CHRM5: variants seen among roughly 807,000 people sequenced by gnomAD.
The protein encoded by CHRM5 is muscarinic acetylcholine receptor M5.
CHRM5 carries 18 observed loss-of-function variants against 39.0 expected under a neutral mutation model. The ratio of observed to expected loss-of-function variants is 0.46; its 90% confidence interval spans 0.32 to 0.68. CHRM5 has a LOEUF of 0.68. CHRM5 is among the 30% of genes least tolerant of loss of function. CHRM5 has a pLI of 0.04. For synonymous variants in CHRM5, 241 were observed against 246.3 expected (o/e 0.98, Z 0.20); for missense variants, 515 against 651.1 (o/e 0.79, Z 2.28).
At chr15:34,013,331 G>GGATTACAA (rs1373230130) in intron 1 of CHRM5, among the ~76,000 whole-genome samples, 1 of 152,172 alleles carries the variant, frequency 6.6e-6, no homozygotes, top group Non-Finnish European at 1.5e-5. Context: ...CAAAGTGCTA[G>GGATTACAA]GATTACAAGT....
At chr15:34,006,997 A>G in intron 1 of CHRM5, 1 of 892,482 alleles carries the variant, frequency 1.1e-6, no homozygotes, top group Non-Finnish European at 1.3e-6. Flanking sequence ...ATTTTCATAT[A>G]AATATTGTTA....
At chr15:34,030,648 A>AG (rs781179000) in intron 1 of CHRM5, among the ~76,000 whole-genome samples, 38 of 151,602 alleles carry the variant, frequency 2.5e-4, no homozygotes, top group Admixed American at 4.6e-4. Context: ...GGTTTTGTTG[A>AG]GAAAGAGTCT....
intron 2 of CHRM5, among the ~76,000 whole-genome samples, chr15:34,059,253 T>C (rs1477676942): frequency 6.6e-6 from 1 of 152,226 alleles, no homozygotes; most frequent in East Asian, 1.9e-4. Context: ...GCTATACATG[T>C]GTCCAAAGGA....
At chr15:34,045,957 G>A (rs930251881) in intron 1 of CHRM5, among the ~76,000 whole-genome samples, 6 of 152,124 alleles carry the variant, frequency 3.9e-5, no homozygotes, top group African/African-American at 1.4e-4. Context: ...ATAAACCTGA[G>A]ATGATTACTG....
chr15:34,062,987 C>T lies in CHRM5; in HGVS notation c.270C>T (p.Tyr90=). The stretch of plus-strand genomic sequence containing the variant: ...TCTCCATGAACCTCTACACCACCTA[C>T]ATCCTCATGGGACGCTGGGCTCTCG... ...GIFSMNLYTT[Y]ILMGRWALGS... Residue 90 remains tyrosine (Y), a synonymous_variant, in exon 3 of 3, where the codon TAC becomes TAT. Transcript: ENST00000383263. The T allele has an allele frequency of 6.2e-7, 1 of 1,614,230 alleles. No homozygotes were observed. Among genetic ancestry groups the T allele is most frequent in the African/African-American group, 1.3e-5 (1 of 75,074 alleles).
chr15:34,011,444 A>C (rs1002772591), intron 1 of CHRM5, among the ~76,000 whole-genome samples: 4 of 152,236 alleles, frequency 2.6e-5, no homozygotes, highest in African/African-American at 9.6e-5. Flanking sequence ...TATGTGAATT[A>C]TCTCTTGATC....
chr15:34,023,626 A>C (rs2140727159), intron 1 of CHRM5, among the ~76,000 whole-genome samples: 1 of 152,268 alleles, frequency 6.6e-6, no homozygotes, highest in East Asian at 1.9e-4. Flanking sequence ...AAAATAAAAA[A>C]ACTCTCTGAC....
At position 34,063,700 on chromosome 15, in the gene CHRM5, A is replaced by C. The variant is rs745980649; in HGVS notation, c.983A>C (p.Gln328Pro). ...DPVLQVVYKS[Q>P]GKESPGEEFS... Reference sequence around the variant, plus strand: ...GTCCTCCAAGTGGTCTACAAGAGTCAGGGTAAGGAAAGCCCAGGGGAAGAA... The same window carrying C: ...GTCCTCCAAGTGGTCTACAAGAGTCCGGGTAAGGAAAGCCCAGGGGAAGAA... The change falls in exon 3 of 3, where the codon CAG becomes CCG. Residue 328 changes from glutamine to proline, a missense_variant. By Grantham distance (76) the Gln-to-Pro change is moderately conservative. Coordinates refer to ENST00000383263, the MANE Select transcript of CHRM5 (RefSeq NM_012125.4). The surrounding 1 kb of genome is among the most constrained non-coding windows in gnomAD (Gnocchi z 4.1). 1 of 1,614,212 alleles carries C rather than the reference A, an allele frequency of 6.2e-7. No individual in the cohort carries two copies. Among genetic ancestry groups the C allele is most frequent in the Non-Finnish European group, 8.5e-7 (1 of 1,180,042 alleles).
intron 1 of CHRM5, among the ~76,000 whole-genome samples, chr15:34,001,275 G>T (rs980122530): frequency 6.6e-6 from 1 of 152,152 alleles, no homozygotes; most frequent in Admixed American, 6.5e-5. Context: ...ACCTGCCTCG[G>T]CCTCCCAAAG....
intron 1 of CHRM5, among the ~76,000 whole-genome samples, chr15:33,994,157 T>C (rs1200466331): frequency 6.6e-6 from 1 of 152,132 alleles, no homozygotes; most frequent in Non-Finnish European, 1.5e-5. Flanking sequence ...GTGAGCAGAT[T>C]CTTCTCTATT....
chr15:33,975,237 C>T lies in CHRM5; in HGVS notation c.-408+6087C>T, dbSNP rs186640255. 2.0e-3 allele frequency among the ~76,000 whole-genome samples: 308 copies of T among 152,274 alleles called. 1 individual carries two copies. The highest frequency in any genetic ancestry group is 7.2e-3 in the African/African-American group (301 of 41,548). Reference sequence around the variant, plus strand: ...ATTGTTCTGCCATCTAGAGGATTCACAAAGATATTCTTCTCCATTTTAATG... The same window carrying T: ...ATTGTTCTGCCATCTAGAGGATTCATAAAGATATTCTTCTCCATTTTAATG... On this transcript the variant is annotated intron_variant, in intron 1 of 2. Transcript: ENST00000383263.
Position 34,065,439 on chromosome 15 carries a change from C to T in CHRM5, c.*1123C>T, listed in dbSNP as rs554141807. On this transcript the variant is annotated 3_prime_UTR_variant, in exon 3 of 3. Coordinates refer to ENST00000383263, the MANE Select transcript of CHRM5 (RefSeq NM_012125.4). Reference sequence around the variant, plus strand: ...CGCAAGCAGGTCAGCTGTGCTGCCTCCAAGCAGGGGGTTGTGGGGTGAGGT... The same window carrying T: ...CGCAAGCAGGTCAGCTGTGCTGCCTTCAAGCAGGGGGTTGTGGGGTGAGGT... The T allele has an allele frequency of 6.6e-6, 1 of 152,272 alleles. No homozygotes were observed. Among genetic ancestry groups the T allele is most frequent in the East Asian group, 1.9e-4 (1 of 5,172 alleles). 9.4% of individuals were successfully genotyped at this position (152,272 alleles called of 1,614,324 possible). A position where few individuals can be genotyped will look rare whatever the true frequency, so the allele number is the denominator to read the frequency against.
intron 1 of CHRM5, among the ~76,000 whole-genome samples, chr15:34,032,168 T>C (rs1439018737): frequency 6.6e-6 from 1 of 152,160 alleles, no homozygotes; most frequent in Non-Finnish European, 1.5e-5. Flanking sequence ...CCTTTGATAC[T>C]TCAAAGTGCA....
chr15:34,023,227 C>T (rs1305850315), intron 1 of CHRM5, among the ~76,000 whole-genome samples: 1 of 152,084 alleles, frequency 6.6e-6, no homozygotes, highest in African/African-American at 2.4e-5. Flanking sequence ...CCCTCTCATC[C>T]CCCACTCAGG....
chr15:34,043,158 A>T (rs1262466483), intron 1 of CHRM5, among the ~76,000 whole-genome samples: 1 of 151,834 alleles, frequency 6.6e-6, no homozygotes, highest in Non-Finnish European at 1.5e-5. Context: ...GAGGCAGGAG[A>T]ATGGCGTGAA....
chr15:34,034,372 T>G (rs1291302926), intron 1 of CHRM5, among the ~76,000 whole-genome samples: 1 of 151,268 alleles, frequency 6.6e-6, no homozygotes, highest in Non-Finnish European at 1.5e-5. Flanking sequence ...GTACAGCAGT[T>G]GAAGGCAGCA....
intron 1 of CHRM5, among the ~76,000 whole-genome samples, chr15:34,007,526 A>G (rs1440693786): frequency 6.6e-6 from 1 of 152,118 alleles, no homozygotes; most frequent in East Asian, 1.9e-4. Flanking sequence ...TTTAATGTCC[A>G]TATTTCTACC....
chr15:34,059,924 T>C (rs1010392467), intron 2 of CHRM5, among the ~76,000 whole-genome samples: 2 of 152,186 alleles, frequency 1.3e-5, no homozygotes, highest in East Asian at 1.9e-4. Context: ...TATTCCATGG[T>C]ATCGCCAGCA....
chr15:34,060,295 A>G (rs1395128321), intron 2 of CHRM5, among the ~76,000 whole-genome samples: 1 of 152,186 alleles, frequency 6.6e-6, no homozygotes, highest in African/African-American at 2.4e-5. Context: ...GTTAGACTGC[A>G]TGTGTTTGGG....
Sources: gnomAD v4.1 joint callset for allele counts (sites outside exome capture counted in the v4.1 genomes callset) on GRCh38, gnomAD v4.1.1 for gene constraint, Gnocchi (gnomAD v3.1) non-coding constraint, MANE v1.5 for transcripts, NCBI Gene and HGNC (gene_info 2026-07-23, HGNC 2026-07-21) for gene names.